WDPCP: variants seen among roughly 807,000 people sequenced by gnomAD.
The protein encoded by WDPCP is WD repeat containing planar cell polarity effector, also known as WD repeat-containing and planar cell polarity effector protein fritz homolog.
WDPCP carries 71 observed loss-of-function variants against 93.1 expected under a neutral mutation model. That is an observed-to-expected ratio of 0.76 (90% CI 0.63 to 0.93). The LOEUF (loss-of-function observed/expected upper bound fraction) is 0.93. Among genes scored for constraint, WDPCP ranks in the 40% least tolerant of loss-of-function variants. WDPCP has a pLI of 0.00. For missense variants in WDPCP, 844 were observed against 887.4 expected (o/e 0.95, Z 0.62); for synonymous variants, 315 against 315.0 (o/e 1.00, Z 0.00).
chr2:63,218,515 TTTTA>T (rs139781524), intron 14 of WDPCP, among the ~76,000 whole-genome samples: 15,579 of 152,038 alleles, frequency 0.1, 1,025 homozygotes, highest in Middle Eastern at 0.19. Flanking sequence ...CAGATTGTTC[TTTTA>T]TTTATTTATT....
chr2:63,731,085 A>G (rs1669554208), intron 2 of WDPCP, among the ~76,000 whole-genome samples: 1 of 152,148 alleles, frequency 6.6e-6, no homozygotes, highest in African/African-American at 2.4e-5. Flanking sequence ...CCTGGCAAAC[A>G]TGGTGAAACC....
intron 14 of WDPCP, among the ~76,000 whole-genome samples, chr2:63,253,373 A>T (rs960430309): frequency 1.3e-4 from 20 of 152,276 alleles, no homozygotes; most frequent in African/African-American, 4.6e-4. Context: ...ATGCAACAAT[A>T]ACAAAAATTG....
At chr2:63,389,664 G>C (rs1248362012) in intron 10 of WDPCP, among the ~76,000 whole-genome samples, 1 of 152,086 alleles carries the variant, frequency 6.6e-6, no homozygotes, top group Non-Finnish European at 1.5e-5. Flanking sequence ...CTCACGTGCA[G>C]AGACACACAT....
At chr2:63,153,607 G>A (rs1672029575) in intron 15 of WDPCP, 33 bp from the exon 16 acceptor site, 2 of 1,548,532 alleles carry the variant, frequency 1.3e-6, no homozygotes, top group East Asian at 2.3e-5. Flanking sequence ...ATTGGAAAAA[G>A]GATTAAAAAA....
At chr2:63,184,487 C>G (rs1674478522) in intron 14 of WDPCP, among the ~76,000 whole-genome samples, 1 of 152,026 alleles carries the variant, frequency 6.6e-6, no homozygotes, top group Non-Finnish European at 1.5e-5. Flanking sequence ...TAGCAGAATA[C>G]AAAATCTGTG....
chr2:63,420,671 A>G (rs915511866), intron 9 of WDPCP, among the ~76,000 whole-genome samples: 1 of 152,234 alleles, frequency 6.6e-6, no homozygotes, highest in Admixed American at 6.5e-5. Context: ...CTACTTCATC[A>G]TCAATCAAGA....
intron 13 of WDPCP, among the ~76,000 whole-genome samples, chr2:63,271,908 T>G (rs1331165597): frequency 2.0e-5 from 3 of 152,242 alleles, no homozygotes; most frequent in South Asian, 4.1e-4. Context: ...TATGTATTGC[T>G]TATGAGCCTC....
intron 8 of WDPCP, among the ~76,000 whole-genome samples, chr2:63,436,448 C>T (rs1475401444): frequency 6.6e-6 from 1 of 151,912 alleles, no homozygotes; most frequent in Non-Finnish European, 1.5e-5. Context: ...CCCATGCTAC[C>T]ACCACCTCAT....
In WDPCP at chr2:63,510,701, T is replaced by C. The variant is rs935215078; in HGVS notation, c.76-17761A>G. On this transcript the variant is annotated intron_variant, in intron 1 of 17. Coordinates refer to ENST00000272321, the MANE Select transcript of WDPCP (RefSeq NM_015910.7). ...GAAAACCCCATCATCTGGCTTGGCA[T>C]GGTGGCTCACGCCTGTAATCCCAAC... Among the ~76,000 whole-genome samples the C allele has an allele frequency of 2.0e-5, 3 of 152,106 alleles. No homozygotes were observed. The East Asian group carries it at 5.8e-4, about 29-fold the overall frequency.
At chr2:63,209,087 C>T (rs1676558474) in intron 14 of WDPCP, among the ~76,000 whole-genome samples, 1 of 152,164 alleles carries the variant, frequency 6.6e-6, no homozygotes, top group Non-Finnish European at 1.5e-5. Context: ...CAGTAAAAAA[C>T]AAAAACAAAA....
intron 9 of WDPCP, among the ~76,000 whole-genome samples, chr2:63,426,484 T>C (rs750233785): frequency 1.1e-4 from 16 of 152,162 alleles, no homozygotes; most frequent in Admixed American, 1.0e-3. Context: ...AAAATCCTTT[T>C]CAAACAAGTA....
chr2:63,185,417 C>T (rs1225270382), intron 14 of WDPCP, among the ~76,000 whole-genome samples: 1 of 149,998 alleles, frequency 6.7e-6, no homozygotes, highest in Non-Finnish European at 1.5e-5. Flanking sequence ...ACCCCCAAAT[C>T]CTTGAGGATG....
At chr2:63,471,584 C>T (rs756950971) in intron 6 of WDPCP, among the ~76,000 whole-genome samples, 7 of 152,180 alleles carry the variant, frequency 4.6e-5, no homozygotes, top group East Asian at 3.9e-4. Flanking sequence ...TTATTGACTT[C>T]CCATTACCAT....
chr2:63,410,613 C>T (rs1694954421), intron 9 of WDPCP, among the ~76,000 whole-genome samples: 1 of 152,136 alleles, frequency 6.6e-6, no homozygotes, highest in African/African-American at 2.4e-5. Flanking sequence ...TGGGTAAGAA[C>T]TCACCTACCA....
chr2:63,240,024 A>G (rs527310799), intron 14 of WDPCP, among the ~76,000 whole-genome samples: 5 of 152,228 alleles, frequency 3.3e-5, no homozygotes, highest in African/African-American at 1.2e-4. Flanking sequence ...ATCTAATCAC[A>G]TGCATAAAAT....
At chr2:63,174,029 C>T (rs1026064841) in intron 15 of WDPCP, among the ~76,000 whole-genome samples, 2 of 152,106 alleles carry the variant, frequency 1.3e-5, no homozygotes, top group African/African-American at 4.8e-5. Context: ...CACTTTTTTA[C>T]TGTAACAGCA....
intron 12 of WDPCP, among the ~76,000 whole-genome samples, chr2:63,337,317 A>AT (rs1688455044): frequency 1.9e-5 from 1 of 52,226 alleles, no homozygotes; most frequent in Non-Finnish European, 2.9e-5. Context: ...AAGTGACATG[A>AT]TTTCATTTTT....
chr2:63,268,594 G>A (rs2104839184), intron 13 of WDPCP, among the ~76,000 whole-genome samples: 1 of 152,184 alleles, frequency 6.6e-6, no homozygotes, highest in East Asian at 1.9e-4. Context: ...AGCCTCCCAA[G>A]TAGTGGGACT....
intron 13 of WDPCP, among the ~76,000 whole-genome samples, chr2:63,285,251 A>T (rs1363834886): frequency 1.3e-5 from 2 of 152,132 alleles, no homozygotes; most frequent in Non-Finnish European, 2.9e-5. Flanking sequence ...TAACATGCTG[A>T]AACCCCGGCT....
Sources: gnomAD v4.1 joint callset for allele counts (sites outside exome capture counted in the v4.1 genomes callset) on GRCh38, gnomAD v4.1.1 for gene constraint, MANE v1.5 for transcripts, NCBI Gene and HGNC (gene_info 2026-07-23, HGNC 2026-07-21) for gene names.